Variants in PARD3 observed in about 807,000 individuals in gnomAD.
The protein encoded by PARD3 is partitioning defective 3 homolog.
In PARD3, 75 loss-of-function variants were observed where a neutral mutation model predicts 155.4. The observed-to-expected ratio is 0.48, with a 90% CI of 0.40 to 0.58. PARD3 has a LOEUF of 0.58. PARD3 is among the 20% of genes least tolerant of loss of function. PARD3 has a pLI of 0.00. For synonymous variants in PARD3, 576 were observed against 610.5 expected (o/e 0.94, Z 0.83); for missense variants, 1,642 against 1,721.7 (o/e 0.95, Z 0.82).
In PARD3 at chr10:34,743,856, C is replaced by T. The variant is rs569473858; in HGVS notation, c.121-47437G>A. On this transcript the variant is annotated intron_variant, in intron 1 of 24. Coordinates refer to ENST00000374788, the MANE Select transcript of PARD3 (RefSeq NM_001184785.2). ...CCCCCACAATCACGCCTGGCTGCAG[C>T]CCCCAGATAAGGGCATGGTGGGTCC... Among the ~76,000 whole-genome samples the T allele has an allele frequency of 3.6e-4, 55 of 152,230 alleles. No homozygotes were observed. The South Asian group carries it at 0.011, about 31-fold the overall frequency.
In PARD3 at chr10:34,269,728, T is replaced by C; in HGVS notation, c.3348A>G (p.Glu1116=). ...ALNARPQSPR[E]GHMMDALYAQ... is the part of the protein sequence containing the mutation. Reference sequence around the variant, plus strand: ...CATACAAAGCATCCATCATATGCCCTTCTCGTGGGCTCTGAGGTCTAGCGT... The same window carrying C: ...CATACAAAGCATCCATCATATGCCCCTCTCGTGGGCTCTGAGGTCTAGCGT... The change falls in exon 22 of 25, where the codon GAA becomes GAG. Residue 1116 remains glutamate (E), a synonymous_variant. Coordinates refer to ENST00000374788, the MANE Select transcript of PARD3 (RefSeq NM_001184785.2). The C allele has an allele frequency of 6.2e-7, 1 of 1,614,042 alleles. No individual in the cohort carries two copies. Among genetic ancestry groups the C allele is most frequent in the South Asian group, 1.1e-5 (1 of 91,080 alleles).
At chr10:34,636,817 C>T (rs2092495070) in intron 2 of PARD3, among the ~76,000 whole-genome samples, 1 of 152,132 alleles carries the variant, frequency 6.6e-6, no homozygotes, top group African/African-American at 2.4e-5. Context: ...CACAGCTGCA[C>T]ACGACAGCAA....
intron 22 of PARD3, among the ~76,000 whole-genome samples, chr10:34,154,381 A>G (rs575305291): frequency 6.6e-6 from 1 of 152,300 alleles, no homozygotes; most frequent in Admixed American, 6.5e-5. Context: ...GAAATGCTGC[A>G]AATTTAGCAG....
At chr10:34,752,950 T>TTC (rs1564581368) in intron 1 of PARD3, among the ~76,000 whole-genome samples, 2 of 132,770 alleles carry the variant, frequency 1.5e-5, no homozygotes, top group Non-Finnish European at 3.3e-5. Flanking sequence ...TGAGTGGAAA[T>TTC]TCTCTTTTTC....
chr10:34,371,519 AAAAAAAAAAAAAAC>A lies in PARD3; in HGVS notation c.1707+965_1707+978del, dbSNP rs1564637906. On this transcript the variant is annotated intron_variant, in intron 12 of 24. Transcript: ENST00000374788. ...AAAAAAAAAAAAAAAAAAAAAAAAA[AAAAAAAAAAAAAAC>A]AACGAAGGAATATTTGAAAAATAAC... 3.3e-4 allele frequency among the ~76,000 whole-genome samples: 27 copies of A among 82,174 alleles called. 2 individuals are homozygous for A. The highest frequency in any genetic ancestry group is 8.4e-4 in the African/African-American group (7 of 8,318). The allele number at this position is 82,174 out of a possible 152,430, so 53.9% of individuals were successfully genotyped here.
intron 24 of PARD3, among the ~76,000 whole-genome samples, chr10:34,111,834 C>T (rs967994913): frequency 1.5e-4 from 23 of 152,176 alleles, no homozygotes; most frequent in Non-Finnish European, 2.8e-4. Flanking sequence ...CCTCCTGTGT[C>T]TGAGAAGGTT....
chr10:34,546,139 T>G (rs1381694515), intron 2 of PARD3, among the ~76,000 whole-genome samples: 1 of 152,212 alleles, frequency 6.6e-6, no homozygotes, highest in Non-Finnish European at 1.5e-5. Context: ...CAACATATAG[T>G]AACTATTAAT....
At position 34,454,166 on chromosome 10, in the gene PARD3, G is replaced by A. The variant is rs188365925; in HGVS notation, c.583-3718C>T. 3.0e-4 allele frequency among the ~76,000 whole-genome samples: 45 copies of A among 151,832 alleles called. No homozygotes were observed. The East Asian group carries it at 6.8e-3, about 23-fold the overall frequency. On this transcript the variant is annotated intron_variant, in intron 4 of 24. Coordinates refer to ENST00000374788, the MANE Select transcript of PARD3 (RefSeq NM_001184785.2). ...ACAGCATCATGCAGGTCCTACTAGC[G>A]TTTCAGTCATGTTTCTTCCTCCCAG...
At chr10:34,779,455 AAAAAAAATT>A in intron 1 of PARD3, among the ~76,000 whole-genome samples, 1 of 151,938 alleles carries the variant, frequency 6.6e-6, no homozygotes, top group East Asian at 1.9e-4. Context: ...CTAAAAATAA[AAAAAAAATT>A]AAAAAAATTA....
At chr10:34,138,729 C>G (rs1948029968) in intron 22 of PARD3, among the ~76,000 whole-genome samples, 1 of 152,154 alleles carries the variant, frequency 6.6e-6, no homozygotes, top group African/African-American at 2.4e-5. Context: ...ACCATATCAG[C>G]TTATATCATT....
intron 14 of PARD3, among the ~76,000 whole-genome samples, chr10:34,352,625 A>G (rs1838237776): frequency 6.6e-6 from 1 of 152,210 alleles, no homozygotes; most frequent in South Asian, 2.1e-4. Flanking sequence ...GGGATTGCAG[A>G]CGGAGTCTCG....
intron 3 of PARD3, chr10:34,488,918 C>A (rs543011851): frequency 6.5e-6 from 1 of 152,786 alleles, no homozygotes; most frequent in African/African-American, 2.4e-5. Context: ...CACACATGCA[C>A]GGCCATGTTC....
intron 5 of PARD3, among the ~76,000 whole-genome samples, chr10:34,415,017 GAAAGACAAAA>G (rs1159728294): frequency 2.6e-5 from 4 of 152,072 alleles, no homozygotes; most frequent in Non-Finnish European, 4.4e-5. Context: ...TCTTACAGGT[GAAAGACAAAA>G]ATCAATGCAA....
intron 1 of PARD3, among the ~76,000 whole-genome samples, chr10:34,746,125 T>C (rs1211438978): frequency 6.6e-6 from 1 of 150,756 alleles, no homozygotes; most frequent in Non-Finnish European, 1.5e-5. Flanking sequence ...GAAAAAAAAA[T>C]TAAGAAACAA....
chr10:34,352,848 C>T (rs909617537), intron 14 of PARD3, among the ~76,000 whole-genome samples: 1 of 152,030 alleles, frequency 6.6e-6, no homozygotes, highest in East Asian at 1.9e-4. Context: ...GCTGCCCAGT[C>T]TGGGAAGTGA....
chr10:34,331,273 C>T lies in PARD3; in HGVS notation c.2677G>A (p.Ala893Thr), dbSNP rs762819451. Residue 893 changes from alanine to threonine, a missense_variant, in exon 19 of 25, where the codon GCA becomes ACA. This residue lies in a region of PARD3 where 1,529 missense variants were observed against 1,587.3 expected (regional missense o/e 0.96). Transcript: ENST00000374788. ...KSSSLESLQT[A>T]VAEVTLNGDI... Reference sequence around the variant, plus strand: ...CCATTCAAAGTCACCTCGGCAACTGCGGTCTGCAGACTCTCCAACGAGCTT... The same window carrying T: ...CCATTCAAAGTCACCTCGGCAACTGTGGTCTGCAGACTCTCCAACGAGCTT... The T allele has an allele frequency of 1.5e-5, 25 of 1,613,906 alleles. No individual in the cohort carries two copies. Among genetic ancestry groups the T allele is most frequent in the Middle Eastern group, 1.7e-4 (1 of 6,058 alleles).
At chr10:34,381,777 T>C (rs1413055204) in intron 9 of PARD3, among the ~76,000 whole-genome samples, 11 of 150,838 alleles carry the variant, frequency 7.3e-5, no homozygotes. Flanking sequence ...ACAAAAAATT[T>C]GTAAATGAGA....
At chr10:34,256,524 C>T (rs1363202715) in intron 22 of PARD3, among the ~76,000 whole-genome samples, 1 of 152,236 alleles carries the variant, frequency 6.6e-6, no homozygotes, top group Admixed American at 6.5e-5. Context: ...ATTTAATTTA[C>T]ATTTATAGTC....
rs569099190 is a variant in PARD3 at position 34,426,458 on chromosome 10, GAA to G, written c.714+23857_714+23858del. On this transcript the variant is annotated intron_variant, in intron 5 of 24. Coordinates refer to ENST00000374788, the MANE Select transcript of PARD3 (RefSeq NM_001184785.2). ...TTTTGGAGAATGGTATTTTTTTGTAGAAAAGAGATAAGGAAAAGAGAACCAAA... is the reference window on the plus strand; with the variant it reads ...TTTTGGAGAATGGTATTTTTTTGTAGAAGAGATAAGGAAAAGAGAACCAAA... Among the ~76,000 whole-genome samples the G allele has an allele frequency of 6.4e-4, 97 of 152,150 alleles. 1 individual carries two copies. Among genetic ancestry groups the G allele is most frequent in the South Asian group, 6.2e-3 (30 of 4,810 alleles).
Sources: allele counts gnomAD v4.1 joint callset (sites outside exome capture counted in the v4.1 genomes callset), GRCh38; gene constraint gnomAD v4.1.1; regional missense constraint gnomAD v4.1.1; transcripts MANE v1.5; gene names NCBI Gene and HGNC (gene_info 2026-07-23, HGNC 2026-07-21).